The following CEP76 variants were observed in gnomAD, a reference collection of about 807,000 sequenced individuals.
CEP76 encodes the protein centrosomal protein of 76 kDa.
CEP76 carries 55 observed loss-of-function variants against 83.3 expected under a neutral mutation model. The ratio of observed to expected loss-of-function variants is 0.66; its 90% CI spans 0.53 to 0.83. The LOEUF is 0.83. CEP76 is among the 40% of genes least tolerant of loss of function. The pLI is 0.00. For missense variants in CEP76, 694 were observed against 799.5 expected, an observed-to-expected ratio of 0.87 and a Z score of 1.59; for synonymous variants, 270 against 274.5, an observed-to-expected ratio of 0.98 and a Z score of 0.16.
intron 8 of CEP76, among the ~76,000 whole-genome samples, chr18:12,681,612 C>G: frequency 6.6e-6 from 1 of 151,774 alleles, no homozygotes; most frequent in East Asian, 1.9e-4. Flanking sequence ...AGTCATACAG[C>G]AAGAAATGCA....
chr18:12,664,391 A>T (rs1370158194), intron 12 of CEP76, among the ~76,000 whole-genome samples: 1 of 151,700 alleles, frequency 6.6e-6, no homozygotes, highest in Non-Finnish European at 1.5e-5. Context: ...ACAAAATTAA[A>T]ATACAAAAAT....
chr18:12,665,776 C>A (rs2038789841), intron 12 of CEP76, among the ~76,000 whole-genome samples: 1 of 152,164 alleles, frequency 6.6e-6, no homozygotes, highest in Non-Finnish European at 1.5e-5. Context: ...CTGCTTACTG[C>A]AACCTCTGCC....
chr18:12,674,485 G>T, intron 11 of CEP76, 51 bp downstream of exon 11: 20 of 1,294,016 alleles, frequency 1.5e-5, no homozygotes, highest in Non-Finnish European at 2.0e-5. Flanking sequence ...CTGCCGGACT[G>T]ATCTGTAAGA....
chr18:12,682,160 TTC>T (rs2145024172), intron 8 of CEP76, among the ~76,000 whole-genome samples: 1 of 152,096 alleles, frequency 6.6e-6, no homozygotes, highest in African/African-American at 2.4e-5. Context: ...ATGAAGAAAT[TTC>T]TTTTTTTTTT....
chr18:12,674,486 A>C (rs1044312503), intron 11 of CEP76, 50 bp downstream of exon 11: 9 of 1,381,502 alleles, frequency 6.5e-6, no homozygotes, highest in Non-Finnish European at 4.1e-6. Flanking sequence ...TGCCGGACTG[A>C]TCTGTAAGAC....
chr18:12,686,119 G>A (rs1489549462), intron 8 of CEP76, 143 bp downstream of exon 8: 1 of 513,490 alleles, frequency 1.9e-6, no homozygotes, highest in Non-Finnish European at 3.3e-6. Context: ...ATCTGCAGTT[G>A]GTTGAATCTA....
chr18:12,699,970 A>G, intron 2 of CEP76, 65 bp from the exon 3 acceptor site: 2 of 1,105,152 alleles, frequency 1.8e-6, no homozygotes, highest in Non-Finnish European at 2.6e-6. Flanking sequence ...GGAAATGTCA[A>G]TAAACATGAC....
rs1344241458 is a variant in CEP76 at position 12,702,646 on chromosome 18, C to CA, written c.-99dup. On this transcript the variant is annotated 5_prime_UTR_variant, in exon 1 of 12. Coordinates refer to ENST00000262127, the MANE Select transcript of CEP76 (RefSeq NM_024899.4). ...GGGAGCGTTAGGAGCGACTGGAGCACAAAGCGCCGCAGCCGTTCGCCTAGC... is the reference window on the plus strand; with the variant it reads ...GGGAGCGTTAGGAGCGACTGGAGCACAAAAGCGCCGCAGCCGTTCGCCTAGC... The CA allele has an allele frequency of 3.7e-6, 5 of 1,355,336 alleles. No individual in the cohort carries two copies. In the African/African-American group the frequency reaches 7.4e-5, roughly 20 times the overall value. 84.0% of individuals were successfully genotyped at this position (1,355,336 alleles called of 1,614,324 possible). A position where few individuals can be genotyped will look rare whatever the true frequency, so the allele number is the denominator to read the frequency against.
intron 1 of CEP76, among the ~76,000 whole-genome samples, chr18:12,701,804 T>C (rs930337075): frequency 6.6e-6 from 1 of 152,234 alleles, no homozygotes; most frequent in Admixed American, 6.5e-5. Context: ...CTGGTTCAAC[T>C]TCGCTGATAC....
intron 3 of CEP76, among the ~76,000 whole-genome samples, 182 bp downstream of exon 3, chr18:12,699,648 G>A (rs914021779): frequency 3.9e-5 from 6 of 151,976 alleles, no homozygotes; most frequent in Admixed American, 6.6e-5. Context: ...TGCTTCTACC[G>A]TGCTATACAT....
intron 9 of CEP76, chr18:12,679,037 T>C (rs1216483175): frequency 6.6e-6 from 1 of 152,008 alleles, no homozygotes; most frequent in Non-Finnish European, 1.5e-5. Flanking sequence ...AAAACATTAT[T>C]AGGCATGATT....
chr18:12,680,613 A>C (rs996414969), intron 9 of CEP76, 49 bp downstream of exon 9: 10 of 1,407,814 alleles, frequency 7.1e-6, no homozygotes, highest in Non-Finnish European at 9.6e-6. Flanking sequence ...AAAAAAAAAA[A>C]AAAACTTATA....
chr18:12,674,458 G>T, intron 11 of CEP76, 78 bp downstream of exon 11: 2 of 977,476 alleles, frequency 2.0e-6, no homozygotes, highest in Non-Finnish European at 3.0e-6. Flanking sequence ...AAAAAAAAAA[G>T]GAAATTAAAA....
chr18:12,696,275 C>A (rs1388952199), intron 5 of CEP76, among the ~76,000 whole-genome samples: 1 of 152,134 alleles, frequency 6.6e-6, no homozygotes, highest in Non-Finnish European at 1.5e-5. Context: ...GAGGCCGAGG[C>A]GGGCAGATCA....
intron 8 of CEP76, among the ~76,000 whole-genome samples, chr18:12,681,220 T>C: frequency 6.8e-6 from 1 of 146,846 alleles, no homozygotes; most frequent in South Asian, 2.2e-4. Context: ...AAAATGTTTA[T>C]AAAGAACTCA....
At position 12,677,402 on chromosome 18, in the gene CEP76, T is replaced by TGCCAAGATCACGCCACTGC. The variant is rs1334452308; in HGVS notation, c.1623+688_1623+706dup. ...GCAGTGAACCAAGATCACGCCACTGTGCCAAGATCACGCCACTGCGCTCCA... is the reference window on the plus strand; with the variant it reads ...GCAGTGAACCAAGATCACGCCACTGTGCCAAGATCACGCCACTGCGCCAAGATCACGCCACTGCGCTCCA... On this transcript the variant is annotated intron_variant, in intron 10 of 11. Coordinates refer to ENST00000262127, the MANE Select transcript of CEP76 (RefSeq NM_024899.4). Among the ~76,000 whole-genome samples the TGCCAAGATCACGCCACTGC allele has an allele frequency of 2.2e-5, 3 of 135,380 alleles. No individual in the cohort carries two copies. In the East Asian group the frequency reaches 6.5e-4, roughly 29 times the overall value. 88.8% of individuals were successfully genotyped at this position (135,380 alleles called of 152,430 possible).
intron 8 of CEP76, among the ~76,000 whole-genome samples, chr18:12,683,682 C>T (rs947698303): frequency 4.0e-5 from 6 of 151,068 alleles, no homozygotes; most frequent in Admixed American, 6.6e-5. Flanking sequence ...ACCCAGGAGA[C>T]GGAGGTTGCA....
intron 8 of CEP76, 44 bp from the exon 9 acceptor site, chr18:12,680,872 TTCC>T: frequency 6.6e-7 from 1 of 1,524,304 alleles, no homozygotes; most frequent in African/African-American, 1.4e-5. Context: ...TCCATATTAT[TTCC>T]TCATTACATA....
chr18:12,677,161 G>C (rs1265685642), intron 10 of CEP76, among the ~76,000 whole-genome samples: 1 of 152,028 alleles, frequency 6.6e-6, no homozygotes, highest in Non-Finnish European at 1.5e-5. Flanking sequence ...TTTGACAAGA[G>C]GCTTGATCTG....
Sources: gnomAD v4.1 joint callset for allele counts (sites outside exome capture counted in the v4.1 genomes callset) on GRCh38, gnomAD v4.1.1 for gene constraint, MANE v1.5 for transcripts, NCBI Gene and HGNC (gene_info 2026-07-23, HGNC 2026-07-21) for gene names.